COL13A1: variants seen among roughly 807,000 people sequenced by gnomAD.
COL13A1 encodes the protein collagen alpha-1(XIII) chain.
COL13A1 carries 89 observed loss-of-function variants against 130.9 expected under a neutral mutation model. That is an observed-to-expected ratio of 0.68 (90% CI 0.57 to 0.81). The LOEUF (loss-of-function observed/expected upper bound fraction) is 0.81, where lower values mean the gene tolerates loss of function less well. Among genes scored for constraint, COL13A1 ranks in the 30% least tolerant of loss-of-function variants. COL13A1 has a pLI of 0.00. For missense variants in COL13A1, 879 were observed against 934.6 expected, an observed-to-expected ratio of 0.94 and a Z score of 0.78; for synonymous variants, 402 against 341.6, an observed-to-expected ratio of 1.18 and a Z score of -1.95.
chr10:69,813,291 C>T (rs181731558), intron 1 of COL13A1, among the ~76,000 whole-genome samples: 3 of 152,334 alleles, frequency 2.0e-5, no homozygotes, highest in East Asian at 1.9e-4. Flanking sequence ...CTCCCATGCA[C>T]ACCATCAGTT....
rs546158399 is a variant in COL13A1 at position 69,887,589 on chromosome 10, C to T, written c.549+98C>T. On this transcript the variant is annotated intron_variant, in intron 8 of 40. Coordinates refer to ENST00000645393, the MANE Select transcript of COL13A1 (RefSeq NM_001368882.1). ...GGTCAGCCCCGGTTCCACTCTTTCT[C>T]TCCCAAACCCTGGTCATTAAGGACT... 2.0e-5 allele frequency: 26 copies of T among 1,299,230 alleles called. No individual in the cohort carries two copies. The East Asian group carries it at 5.7e-4, about 29-fold the overall frequency. 80.5% of individuals were successfully genotyped at this position (1,299,230 alleles called of 1,614,324 possible). A position where few individuals can be genotyped will look rare whatever the true frequency, so the allele number is the denominator to read the frequency against.
chr10:69,930,297 C>T (rs1360381498), intron 29 of COL13A1, 103 bp from the exon 30 acceptor site: 1 of 1,207,674 alleles, frequency 8.3e-7, no homozygotes, highest in Non-Finnish European at 1.1e-6. Context: ...CTGCCCCAGA[C>T]AAGCACCAAA....
intron 2 of COL13A1, among the ~76,000 whole-genome samples, chr10:69,829,717 T>C (rs1292675264): frequency 1.3e-5 from 2 of 152,156 alleles, no homozygotes; most frequent in Non-Finnish European, 1.5e-5. Flanking sequence ...ATGCCCCTCA[T>C]GGGGTGGAGG....
intron 25 of COL13A1, 49 bp downstream of exon 25, chr10:69,925,056 C>G: frequency 1.4e-6 from 2 of 1,471,980 alleles, no homozygotes; most frequent in African/African-American, 1.4e-5. Context: ...GCTGGTAAAT[C>G]AAAAAAGCAT....
intron 39 of COL13A1, chr10:69,953,893 G>A (rs2070115263): frequency 6.5e-6 from 1 of 152,704 alleles, no homozygotes; most frequent in Non-Finnish European, 1.5e-5. Flanking sequence ...CTATTCCATG[G>A]TTGGAGCTGG....
chr10:69,857,303 G>A (rs1856709025), intron 2 of COL13A1, among the ~76,000 whole-genome samples: 1 of 152,200 alleles, frequency 6.6e-6, no homozygotes, highest in South Asian at 2.1e-4. Context: ...AGGTCACCCA[G>A]CCCTGTCCAG....
intron 2 of COL13A1, among the ~76,000 whole-genome samples, chr10:69,846,462 G>A (rs1348184319): frequency 1.3e-5 from 2 of 152,154 alleles, no homozygotes; most frequent in Non-Finnish European, 2.9e-5. Context: ...ACACCTGCCC[G>A]CCCAACTCTT....
intron 39 of COL13A1, chr10:69,956,304 G>T (rs763278610): frequency 2.0e-5 from 3 of 152,282 alleles, no homozygotes; most frequent in African/African-American, 7.2e-5. Context: ...TAAAGGAGCT[G>T]CATGGTTGCT....
At chr10:69,870,330 A>G (rs1356952165) in intron 3 of COL13A1, among the ~76,000 whole-genome samples, 1 of 151,018 alleles carries the variant, frequency 6.6e-6, no homozygotes, top group Non-Finnish European at 1.5e-5. Flanking sequence ...TGAGAGAGTG[A>G]GAGGCAGGGT....
In COL13A1 at chr10:69,923,875, C is replaced by T; in HGVS notation, c.1284+20C>T. On this transcript the variant is annotated intron_variant, in intron 24 of 40. Coordinates refer to ENST00000645393, the MANE Select transcript of COL13A1 (RefSeq NM_001368882.1). ...GACAAGGTACAGAGACCCCCACATC[C>T]CAGAGCTGCAAGATGAGGGTCAGCT... 6.2e-7 allele frequency: 1 copy of T among 1,609,556 alleles called. No individual in the cohort carries two copies. Among genetic ancestry groups the T allele is most frequent in the Non-Finnish European group, 8.5e-7 (1 of 1,178,190 alleles).
chr10:69,944,682 A>AAAAG (rs1042274455), intron 36 of COL13A1, among the ~76,000 whole-genome samples: 5 of 149,830 alleles, frequency 3.3e-5, no homozygotes, highest in Admixed American at 6.7e-5. Context: ...ATGAAAAAGA[A>AAAAG]AAAGAAAGAA....
At chr10:69,884,999 A>G (rs1217775628) in intron 7 of COL13A1, among the ~76,000 whole-genome samples, 2 of 152,254 alleles carry the variant, frequency 1.3e-5, no homozygotes, top group Admixed American at 6.5e-5. Flanking sequence ...AATGAAAGAC[A>G]GTTGTTTGGT....
intron 3 of COL13A1, among the ~76,000 whole-genome samples, chr10:69,871,083 C>T (rs557895387): frequency 6.6e-6 from 1 of 152,050 alleles, no homozygotes; most frequent in East Asian, 1.9e-4. Context: ...CACCCTGGCG[C>T]GTTCCCTTCC....
chr10:69,814,008 T>A (rs144657940), intron 1 of COL13A1, among the ~76,000 whole-genome samples: 1 of 152,022 alleles, frequency 6.6e-6, no homozygotes, highest in East Asian at 1.9e-4. Context: ...TCGGTTGGAG[T>A]GTGGATTGAG....
At chr10:69,839,838 C>T (rs1341701218) in intron 2 of COL13A1, among the ~76,000 whole-genome samples, 1 of 152,190 alleles carries the variant, frequency 6.6e-6, no homozygotes, top group Non-Finnish European at 1.5e-5. Flanking sequence ...TCCTGTGGCG[C>T]CTCGTGTGAC....
In COL13A1 at chr10:69,863,043, C is replaced by T. The variant is rs369594168; in HGVS notation, c.365-4755C>T. On this transcript the variant is annotated intron_variant, in intron 2 of 40. Coordinates refer to ENST00000645393, the MANE Select transcript of COL13A1 (RefSeq NM_001368882.1). ...GTGAGGCCTGGGCCACGGGTAAGGG[C>T]GTGCGTCCTAGGGACTGAGGCACGG... Among the ~76,000 whole-genome samples the T allele has an allele frequency of 4.4e-4, 67 of 152,280 alleles. 1 individual carries two copies. Among genetic ancestry groups the T allele is most frequent in the East Asian group, 3.5e-3 (18 of 5,176 alleles).
At chr10:69,867,901 G>A (rs1451253248) in intron 3 of COL13A1, 96 bp downstream of exon 3, 5 of 710,708 alleles carry the variant, frequency 7.0e-6, no homozygotes, top group Non-Finnish European at 1.3e-5. Flanking sequence ...CTGGGCCCCT[G>A]CTGTCTTGTT....
chr10:69,832,139 T>A (rs1848968564), intron 2 of COL13A1, among the ~76,000 whole-genome samples: 1 of 152,214 alleles, frequency 6.6e-6, no homozygotes, highest in Non-Finnish European at 1.5e-5. Context: ...TAATGTGGTA[T>A]GGCTGCTCAA....
chr10:69,925,530 G>A (rs1203933471), intron 25 of COL13A1, among the ~76,000 whole-genome samples: 1 of 152,212 alleles, frequency 6.6e-6, no homozygotes, highest in Non-Finnish European at 1.5e-5. Context: ...GAGCATTCTG[G>A]CCCTCAGGTG....
Sources: allele counts gnomAD v4.1 joint callset (sites outside exome capture counted in the v4.1 genomes callset), GRCh38; gene constraint gnomAD v4.1.1; transcripts MANE v1.5; gene names NCBI Gene and HGNC (gene_info 2026-07-23, HGNC 2026-07-21).